The following TBX15 variants were observed in gnomAD, a reference collection of about 807,000 sequenced individuals.
TBX15 encodes the protein T-box transcription factor 15, also known as T-box transcription factor TBX15.
Under a neutral mutation model 53.9 loss-of-function variants are expected in TBX15, and 18 were observed. That is an observed-to-expected ratio of 0.33 (90% CI 0.23 to 0.49). TBX15 has a LOEUF of 0.49. Ranked by LOEUF, TBX15 falls within the 20% of genes least tolerant of loss-of-function variation. TBX15 has a pLI of 0.98. For missense variants in TBX15, 692 were observed against 749.5 expected (o/e 0.92, Z 0.90); for synonymous variants, 295 against 278.0 (o/e 1.06, Z -0.61).
chr1:118,927,536 C>T (rs144488721), intron 2 of TBX15, among the ~76,000 whole-genome samples: 29 of 152,270 alleles, frequency 1.9e-4, no homozygotes, highest in Non-Finnish European at 2.8e-4. Context: ...AGAAAATTTT[C>T]TGCAAGTTCT....
intron 1 of TBX15, among the ~76,000 whole-genome samples, chr1:118,981,959 A>T (rs771671424): frequency 6.6e-6 from 1 of 152,264 alleles, no homozygotes; most frequent in Non-Finnish European, 1.5e-5. Context: ...GAGATTCCAC[A>T]TTCCACCAGT....
intron 7 of TBX15, among the ~76,000 whole-genome samples, chr1:118,896,812 G>A (rs767705573): frequency 9.2e-5 from 14 of 152,098 alleles, no homozygotes; most frequent in Non-Finnish European, 1.8e-4. Context: ...AGGGAAGAGG[G>A]GATGGGTGTT....
intron 5 of TBX15, among the ~76,000 whole-genome samples, chr1:118,919,354 T>G (rs1342294714): frequency 6.6e-6 from 1 of 152,224 alleles, no homozygotes; most frequent in African/African-American, 2.4e-5. Flanking sequence ...ATCTACCATT[T>G]TATTCTCTTT....
chr1:118,932,161 A>C (rs2101615017), intron 1 of TBX15, among the ~76,000 whole-genome samples: 1 of 152,304 alleles, frequency 6.6e-6, no homozygotes, highest in South Asian at 2.1e-4. Flanking sequence ...ATGAGGCCAA[A>C]CTGGGGCAAC....
At chr1:118,982,117 A>G (rs1004702182) in intron 1 of TBX15, among the ~76,000 whole-genome samples, 1 of 152,214 alleles carries the variant, frequency 6.6e-6, no homozygotes, top group Admixed American at 6.5e-5. Flanking sequence ...CAGAATAATA[A>G]TCGAATGGAG....
At chr1:118,944,734 C>T (rs1656292755) in intron 1 of TBX15, among the ~76,000 whole-genome samples, 1 of 152,220 alleles carries the variant, frequency 6.6e-6, no homozygotes. Context: ...GGCATTTAAG[C>T]ACTGTCAGAG....
chr1:118,987,448 G>T, intron 1 of TBX15, 143 bp downstream of exon 1: 1 of 1,053,820 alleles, frequency 9.5e-7, no homozygotes, highest in Non-Finnish European at 1.3e-6. Context: ...GAGGCTCAGG[G>T]CATTTGCGCG....
At chr1:118,917,449 T>C (rs867950470) in intron 5 of TBX15, among the ~76,000 whole-genome samples, 2 of 152,068 alleles carry the variant, frequency 1.3e-5, no homozygotes, top group Admixed American at 6.6e-5. Flanking sequence ...TCAGGATAAA[T>C]AGCTAATGCA....
chr1:118,929,916 A>G (rs1395359059), intron 2 of TBX15, among the ~76,000 whole-genome samples: 1 of 152,234 alleles, frequency 6.6e-6, no homozygotes, highest in Non-Finnish European at 1.5e-5. Flanking sequence ...AAAACTTTAA[A>G]AAAATTTCCT....
At chr1:118,931,890 GCCCTAA>G (rs762933257) in intron 1 of TBX15, 58 bp from the exon 2 acceptor site, 4 of 1,510,416 alleles carry the variant, frequency 2.6e-6, no homozygotes, top group Non-Finnish European at 3.6e-6. Flanking sequence ...CTCACCCATG[GCCCTAA>G]AAGATGGGGG....
In TBX15 at chr1:118,931,606, A is replaced by T; in HGVS notation, c.419+13T>A. The stretch of plus-strand genomic sequence containing the variant: ...TTCTTTGAATCTGGCCACTCAAAGG[A>T]ATTTGTCCTTACCTGCCTGCTTTGG... On this transcript the variant is annotated intron_variant, in intron 2 of 7. Coordinates refer to ENST00000369429, the MANE Select transcript of TBX15 (RefSeq NM_001330677.2). 6.2e-7 allele frequency: 1 copy of T among 1,613,862 alleles called. No individual in the cohort carries two copies. The highest frequency in any genetic ancestry group is 1.7e-5 in the Admixed American group (1 of 60,024).
intron 7 of TBX15, among the ~76,000 whole-genome samples, chr1:118,894,741 T>C (rs1038595119): frequency 6.6e-6 from 1 of 152,048 alleles, no homozygotes; most frequent in Admixed American, 6.6e-5. Flanking sequence ...GGCTGTGAGG[T>C]AGATGATAAC....
intron 1 of TBX15, among the ~76,000 whole-genome samples, chr1:118,976,213 TA>T (rs201244771): frequency 6.2e-4 from 94 of 151,524 alleles, no homozygotes; most frequent in African/African-American, 2.2e-3. Context: ...GTTGTTCCTC[TA>T]AAAAAAAACT....
At chr1:118,985,198 C>G (rs1332239193) in intron 1 of TBX15, among the ~76,000 whole-genome samples, 1 of 152,076 alleles carries the variant, frequency 6.6e-6, no homozygotes, top group Non-Finnish European at 1.5e-5. Context: ...GGGAGAACCA[C>G]GCAGCGGCTT....
At chr1:118,960,161 C>T (rs1278430251) in intron 1 of TBX15, among the ~76,000 whole-genome samples, 2 of 151,816 alleles carry the variant, frequency 1.3e-5, no homozygotes, top group Non-Finnish European at 2.9e-5. Flanking sequence ...GGATGGGGGA[C>T]CCCCTGGCTA....
chr1:118,891,762 A>G (rs1029101930), intron 7 of TBX15, among the ~76,000 whole-genome samples: 1 of 152,184 alleles, frequency 6.6e-6, no homozygotes, highest in Admixed American at 6.5e-5. Flanking sequence ...TAAAGTCAGG[A>G]TGATAGAGAG....
chr1:118,885,187 T>A lies in TBX15; in HGVS notation c.1354A>T (p.Thr452Ser). 6.2e-7 allele frequency: 1 copy of A among 1,613,494 alleles called. No individual in the cohort carries two copies. The highest frequency in any genetic ancestry group is 1.1e-5 in the South Asian group (1 of 91,054). Reference protein sequence around the residue: ...RTPSLISGIPTPPSLPGNSKM... With the variant: ...RTPSLISGIPSPPSLPGNSKM... ...CTGTTGCCAGGCAACGAGGGAGGAG[T>A]TGGTATTCCTGAGATCAGGGATGGA... is the stretch of plus-strand genomic sequence containing the variant. The change falls in exon 8 of 8, where the codon ACT becomes TCT. Residue 452 changes from threonine to serine, a missense_variant. By Grantham distance (58) the Thr-to-Ser change is moderately conservative (BLOSUM62 1). Transcript: ENST00000369429.
chr1:118,885,330 C>T lies in TBX15; in HGVS notation c.1211G>A (p.Arg404Gln), dbSNP rs202186272. 58 of 1,614,018 alleles carry T rather than the reference C, an allele frequency of 3.6e-5. No individual in the cohort carries two copies. The highest frequency in any genetic ancestry group is 1.6e-4 in the Middle Eastern group (1 of 6,062). ...LNLSDYPPCA[R>Q]SNMAALQSYP... is the part of the protein sequence containing the mutation. ...GCTCTGCAAGGCAGCCATGTTGCTT[C>T]GGGCACATGGTGGATAATCAGAGAG... is the stretch of plus-strand genomic sequence containing the variant. Residue 404 changes from arginine to glutamine, a missense_variant, in exon 8 of 8, where the codon CGA becomes CAA. By Grantham distance (43) the Arg-to-Gln change is conservative. This residue lies in a region of TBX15 where 375 missense variants were observed against 371.6 expected (regional missense o/e 1.01). Transcript: ENST00000369429.
chr1:118,885,024 T>C lies in TBX15; in HGVS notation c.1517A>G (p.Tyr506Cys). The change falls in exon 8 of 8, where the codon TAC becomes TGC. Residue 506 changes from tyrosine (Y) to cysteine (C), a missense_variant. Tyr to Cys is a radical substitution (Grantham distance 194). This residue lies in a region of TBX15 where 375 missense variants were observed against 371.6 expected (regional missense o/e 1.01). Transcript: ENST00000369429. ...AGGGTTGTGAAGGGAGAAGGCATTGTAGGAGCTCTGCTGCATGTGGCTGCC... is the reference window on the plus strand; with the variant it reads ...AGGGTTGTGAAGGGAGAAGGCATTGCAGGAGCTCTGCTGCATGTGGCTGCC... The part of the protein sequence containing the change: ...FGGSHMQQSS[Y>C]NAFSLHNPYN... The C allele has an allele frequency of 6.2e-7, 1 of 1,614,078 alleles. No homozygotes were observed. Among genetic ancestry groups the C allele is most frequent in the South Asian group, 1.1e-5 (1 of 91,080 alleles).
Sources: allele counts gnomAD v4.1 joint callset (sites outside exome capture counted in the v4.1 genomes callset), GRCh38; gene constraint gnomAD v4.1.1; regional missense constraint gnomAD v4.1.1; transcripts MANE v1.5; gene names NCBI Gene and HGNC (gene_info 2026-07-23, HGNC 2026-07-21).